The following CELA2A variants were observed in gnomAD, a reference collection of about 807,000 sequenced individuals.
CELA2A encodes the protein chymotrypsin-like elastase family member 2A.
A neutral mutation model predicts 35.3 loss-of-function variants in CELA2A; 31 were observed. The observed-to-expected ratio is 0.88, with a 90% CI of 0.66 to 1.19. The LOEUF (loss-of-function observed/expected upper bound fraction) is 1.19, where lower values mean the gene tolerates loss of function less well. Ranked by LOEUF, CELA2A falls within the 50% of genes most tolerant of loss-of-function variation. The pLI is 0.00. For missense variants in CELA2A, 330 were observed against 352.9 expected (o/e 0.94, Z 0.52); for synonymous variants, 150 against 149.8 (o/e 1.00, Z -0.01).
rs773209476 is a variant in CELA2A, at chr1:15,457,067, A to AC, written c.41-16dup. The AC allele has an allele frequency of 4.7e-5, 76 of 1,610,508 alleles. No individual in the cohort carries two copies. Among genetic ancestry groups the AC allele is most frequent in the Non-Finnish European group, 5.9e-5 (69 of 1,177,078 alleles). On this transcript the variant is annotated intron_variant, in intron 1 of 7. Coordinates refer to ENST00000359621, the MANE Select transcript of CELA2A (RefSeq NM_033440.3). ...GTGGGTCGCTGCTTCCTGACTCAAGACCCTTTCTCTTTTCACAGCCCTCAG... is the reference window on the plus strand; with the variant it reads ...GTGGGTCGCTGCTTCCTGACTCAAGACCCCTTTCTCTTTTCACAGCCCTCAG...
chr1:15,466,326 G>T (rs1570800279), intron 6 of CELA2A, among the ~76,000 whole-genome samples, 182 bp downstream of exon 6: 1 of 152,086 alleles, frequency 6.6e-6, no homozygotes, highest in African/African-American at 2.4e-5. Context: ...ACTTTGAGAG[G>T]CCAGGCGGGC....
At position 15,461,541 on chromosome 1, in the gene CELA2A, G is replaced by T. The variant is rs1480795569; in HGVS notation, c.130-20G>T. 6.2e-7 allele frequency: 1 copy of T among 1,611,874 alleles called. No homozygotes were observed. Among genetic ancestry groups the T allele is most frequent in the East Asian group, 2.2e-5 (1 of 44,886 alleles). ...CTGCTCTTTCAAACCTAGCCACAGAGCTCCTTTGCTTCTCCCCAGGTCTCC... is the reference window on the plus strand; with the variant it reads ...CTGCTCTTTCAAACCTAGCCACAGATCTCCTTTGCTTCTCCCCAGGTCTCC... On this transcript the variant is annotated intron_variant, in intron 2 of 7. Coordinates refer to ENST00000359621, the MANE Select transcript of CELA2A (RefSeq NM_033440.3).
intron 2 of CELA2A, 100 bp downstream of exon 2, chr1:15,457,274 G>A (rs1708375332): frequency 6.0e-6 from 7 of 1,160,590 alleles, no homozygotes; most frequent in Non-Finnish European, 2.5e-6. Flanking sequence ...GGCAAAGTGA[G>A]TATTGATGGG....
chr1:15,465,115 G>A (rs1378586666), intron 5 of CELA2A, among the ~76,000 whole-genome samples: 3 of 143,002 alleles, frequency 2.1e-5, no homozygotes, highest in Admixed American at 1.5e-4. Flanking sequence ...GAGCTCAAGC[G>A]ATTCTCCTGC....
intron 5 of CELA2A, among the ~76,000 whole-genome samples, chr1:15,463,766 T>G (rs1315485685): frequency 6.6e-6 from 1 of 152,126 alleles, no homozygotes; most frequent in Non-Finnish European, 1.5e-5. Flanking sequence ...ATGCAAATAT[T>G]TGGCTGGGCG....
intron 2 of CELA2A, among the ~76,000 whole-genome samples, chr1:15,458,852 G>A (rs1450067092): frequency 2.2e-5 from 3 of 136,024 alleles, no homozygotes; most frequent in African/African-American, 8.6e-5. Flanking sequence ...GGCGCAGGTT[G>A]CGGTGAGCCA....
At chr1:15,468,029 T>C (rs56817022) in intron 7 of CELA2A, among the ~76,000 whole-genome samples, 4,564 of 147,420 alleles carry the variant, frequency 0.031, 207 homozygotes, top group African/African-American at 0.11. Flanking sequence ...GAGATGGAGG[T>C]TGCAGTGAGC....
At chr1:15,459,405 C>A (rs1708404176) in intron 2 of CELA2A, among the ~76,000 whole-genome samples, 1 of 151,790 alleles carries the variant, frequency 6.6e-6, no homozygotes, top group Admixed American at 6.6e-5. Flanking sequence ...CTCAAGTGAT[C>A]CTCCTGCGTC....
intron 7 of CELA2A, among the ~76,000 whole-genome samples, chr1:15,469,401 T>C (rs1557519846): frequency 6.6e-6 from 1 of 152,146 alleles, no homozygotes; most frequent in Non-Finnish European, 1.5e-5. Context: ...GCAGAGCCCC[T>C]AAAGAAGGGG....
intron 7 of CELA2A, among the ~76,000 whole-genome samples, chr1:15,469,571 T>A (rs1405249128): frequency 1.3e-5 from 2 of 152,318 alleles, no homozygotes; most frequent in East Asian, 3.9e-4. Context: ...TTCCAAGTGT[T>A]CCCACTGATT....
intron 5 of CELA2A, among the ~76,000 whole-genome samples, chr1:15,464,425 G>A (rs1264096642): frequency 6.6e-6 from 1 of 152,186 alleles, no homozygotes. Flanking sequence ...CAGAGTTCCC[G>A]CCCTTCCCTT....
intron 2 of CELA2A, 61 bp from the exon 3 acceptor site, chr1:15,461,500 G>A: frequency 6.3e-7 from 1 of 1,575,004 alleles, no homozygotes; most frequent in Non-Finnish European, 8.7e-7. Context: ...TTGGGAAACT[G>A]GAGTGCAGGG....
intron 7 of CELA2A, among the ~76,000 whole-genome samples, chr1:15,468,771 C>A (rs1208645476): frequency 6.6e-6 from 1 of 152,138 alleles, no homozygotes; most frequent in Admixed American, 6.5e-5. Context: ...TAAGCCTGGG[C>A]GACATAGCAA....
intron 5 of CELA2A, among the ~76,000 whole-genome samples, chr1:15,465,757 C>T (rs548561730): frequency 6.6e-6 from 1 of 152,268 alleles, no homozygotes; most frequent in South Asian, 2.1e-4. Context: ...ATTATGTCCT[C>T]TGAAACCGGA....
intron 2 of CELA2A, among the ~76,000 whole-genome samples, chr1:15,457,959 G>A (rs1426144011): frequency 2.0e-5 from 3 of 152,298 alleles, no homozygotes; most frequent in East Asian, 3.9e-4. Context: ...TGGGGCACAG[G>A]TGTAAATTAC....
intron 2 of CELA2A, among the ~76,000 whole-genome samples, chr1:15,460,764 T>C (rs760255364): frequency 2.0e-5 from 3 of 152,092 alleles, no homozygotes; most frequent in Non-Finnish European, 4.4e-5. Flanking sequence ...CACAAACTCC[T>C]GGGTTCAAGC....
intron 4 of CELA2A, 71 bp downstream of exon 4, chr1:15,462,932 G>C (rs540212600): frequency 1.2e-6 from 2 of 1,602,398 alleles, no homozygotes; most frequent in African/African-American, 2.7e-5. Context: ...CAGAGGCAAG[G>C]GTCTCAACCA....
chr1:15,457,275 T>TCCC, intron 2 of CELA2A, 101 bp downstream of exon 2: 1 of 1,161,620 alleles, frequency 8.6e-7, no homozygotes, highest in Non-Finnish European at 1.3e-6. Context: ...GCAAAGTGAG[T>TCCC]ATTGATGGGA....
intron 2 of CELA2A, 101 bp from the exon 3 acceptor site, chr1:15,461,460 C>T: frequency 7.9e-7 from 1 of 1,272,262 alleles, no homozygotes; most frequent in Admixed American, 2.0e-5. Flanking sequence ...GACTGCCTCA[C>T]TCCCCCTTAC....
Sources: gnomAD v4.1 joint callset for allele counts (sites outside exome capture counted in the v4.1 genomes callset) on GRCh38, gnomAD v4.1.1 for gene constraint, MANE v1.5 for transcripts, NCBI Gene and HGNC (gene_info 2026-07-23, HGNC 2026-07-21) for gene names.